The following EFNB3 variants were observed in gnomAD, a reference collection of about 807,000 sequenced individuals.
EFNB3 encodes ephrin B3, also known as ephrin-B3.
Under a neutral mutation model 29.8 loss-of-function variants are expected in EFNB3, and 14 were observed. The observed-to-expected ratio is 0.47, with a 90% CI of 0.31 to 0.73. EFNB3 has a LOEUF of 0.73. EFNB3 is among the 30% of genes least tolerant of loss of function. The pLI is 0.05. For synonymous variants in EFNB3, 216 were observed against 191.6 expected, an observed-to-expected ratio of 1.13 and a Z score of -1.05; for missense variants, 408 against 458.0, an observed-to-expected ratio of 0.89 and a Z score of 1.00.
In EFNB3 at chr17:7,709,128, T is replaced by A. The variant is rs1270863839; in HGVS notation, c.614-39T>A. On this transcript the variant is annotated intron_variant, in intron 4 of 4. Coordinates refer to ENST00000226091, the MANE Select transcript of EFNB3 (RefSeq NM_001406.4). The surrounding 1 kb of genome is among the most constrained non-coding windows in gnomAD (Gnocchi z 4.5). The stretch of plus-strand genomic sequence containing the variant: ...CCAGGTGCCCAGGTGGCTCCTTCAG[T>A]CCCTCCCCCTCTTTCCTCCTTCACC... 1 of 1,581,476 alleles carries A rather than the reference T, an allele frequency of 6.3e-7. No homozygotes were observed. The highest frequency in any genetic ancestry group is 1.4e-5 in the African/African-American group (1 of 73,586).
chr17:7,706,064 C>T (rs1219109199), intron 1 of EFNB3, among the ~76,000 whole-genome samples: 1 of 150,936 alleles, frequency 6.6e-6, no homozygotes, highest in African/African-American at 2.4e-5. Context: ...ACTGTCAGCT[C>T]TCAGGAGAGA....
In EFNB3 at chr17:7,708,104, G is replaced by C; in HGVS notation, c.269G>C (p.Arg90Pro). 1 of 1,614,062 alleles carries C rather than the reference G, an allele frequency of 6.2e-7. No individual in the cohort carries two copies. Among genetic ancestry groups the C allele is most frequent in the Non-Finnish European group, 8.5e-7 (1 of 1,180,006 alleles). The change falls in exon 2 of 5, where the codon CGG becomes CCG. Residue 90 changes from arginine (R) to proline (P), a missense_variant. This residue lies in a region of EFNB3 where 128 missense variants were observed against 140.8 expected (regional missense o/e 0.91). Coordinates refer to ENST00000226091, the MANE Select transcript of EFNB3 (RefSeq NM_001406.4). This position sits in a 1 kb window ranked among gnomAD's most constrained non-coding sequence, Gnocchi z 6.8. ...KLYLVGGAQG[R>P]RCEAPPAPNL... ...TACCTGGTAGGGGGTGCTCAGGGCC[G>C]GCGCTGTGAGGCACCCCCTGCCCCA...
At position 7,705,603 on chromosome 17, in the gene EFNB3, G is replaced by A. The variant is rs972550180; in HGVS notation, c.5G>A (p.Gly2Glu). The stretch of plus-strand genomic sequence containing the variant: ...CCCCCAGGCCTTGGCGGGGTCATGG[G>A]GCCCCCCCATTCTGGGCCGGGGGGC... M[G>E]PPHSGPGGVR... The change falls in exon 1 of 5, where the codon GGG becomes GAG. Residue 2 changes from glycine to glutamate, a missense_variant. By Grantham distance (98) the Gly-to-Glu change is moderately conservative. Around this residue, in one of 3 missense-constraint regions of EFNB3, gnomAD observed 128 missense variants for 140.8 expected, o/e 0.91. Transcript: ENST00000226091. This position sits in a 1 kb window ranked among gnomAD's most constrained non-coding sequence, Gnocchi z 5.4. The A allele has an allele frequency of 9.5e-6, 14 of 1,478,318 alleles. No homozygotes were observed. The African/African-American group carries it at 1.9e-4, about 20-fold the overall frequency. 91.6% of individuals were successfully genotyped at this position (1,478,318 alleles called of 1,614,324 possible). A position where few individuals can be genotyped will look rare whatever the true frequency, so the allele number is the denominator to read the frequency against.
Position 7,710,049 on chromosome 17 carries a change from T to G in EFNB3, c.*473T>G. 1 of 213,618 alleles carries G rather than the reference T, an allele frequency of 4.7e-6. No individual in the cohort carries two copies. The highest frequency in any genetic ancestry group is 9.3e-6 in the Non-Finnish European group (1 of 107,740). 13.2% of individuals were successfully genotyped at this position (213,618 alleles called of 1,614,324 possible). A position where few individuals can be genotyped will look rare whatever the true frequency, so the allele number is the denominator to read the frequency against. ...CTCCTCCCCACATCTCCTTTCACCC[T>G]CTTGGCTTCTTATCCTGTGCCTCTC... On this transcript the variant is annotated 3_prime_UTR_variant, in exon 5 of 5. Transcript: ENST00000226091.
rs757173020 is a variant in EFNB3 at position 7,708,171 on chromosome 17, C to T, written c.336C>T (p.Arg112=). ...GTGATCGCCCAGACCTGGATCTCCG[C>T]TTCACCATCAAGTTCCAGGAGTATA... ...LTCDRPDLDL[R]FTIKFQEYSP... The change falls in exon 2 of 5, where the codon CGC becomes CGT. Residue 112 remains arginine (R), a synonymous_variant. Transcript: ENST00000226091. This position sits in a 1 kb window ranked among gnomAD's most constrained non-coding sequence, Gnocchi z 6.8. 1 of 1,613,744 alleles carries T rather than the reference C, an allele frequency of 6.2e-7. No homozygotes were observed. Among genetic ancestry groups the T allele is most frequent in the Non-Finnish European group, 8.5e-7 (1 of 1,180,038 alleles).
chr17:7,709,258 G>A lies in EFNB3; in HGVS notation c.705G>A (p.Leu235=), dbSNP rs748865873. The change falls in exon 5 of 5, where the codon CTG becomes CTA. Residue 235 remains leucine, a synonymous_variant. Coordinates refer to ENST00000226091, the MANE Select transcript of EFNB3 (RefSeq NM_001406.4). The surrounding 1 kb of genome is among the most constrained non-coding windows in gnomAD (Gnocchi z 4.5). ...MPAVAGAAGG[L]ALLLLGVAGA... ...CAGTGGCTGGGGCAGCAGGGGGGCT[G>A]GCGCTGCTCTTGCTGGGCGTGGCAG... 8.8e-6 allele frequency: 14 copies of A among 1,588,420 alleles called. No homozygotes were observed. The highest frequency in any genetic ancestry group is 1.9e-5 in the Admixed American group (1 of 53,954).
At chr17:7,707,492 C>T (rs374502295) in intron 1 of EFNB3, among the ~76,000 whole-genome samples, 4 of 152,188 alleles carry the variant, frequency 2.6e-5, no homozygotes, top group East Asian at 3.9e-4. Context: ...GAACCGCCGC[C>T]CCCTTTGCCC....
chr17:7,708,802 C>T lies in EFNB3; in HGVS notation c.613+63C>T. The T allele has an allele frequency of 7.1e-7, 1 of 1,400,000 alleles. No individual in the cohort carries two copies. Among genetic ancestry groups the T allele is most frequent in the South Asian group, 1.4e-5 (1 of 70,892 alleles). 86.7% of individuals were successfully genotyped at this position (1,400,000 alleles called of 1,614,324 possible). A position where few individuals can be genotyped will look rare whatever the true frequency, so the allele number is the denominator to read the frequency against. On this transcript the variant is annotated intron_variant, in intron 4 of 4. Transcript: ENST00000226091. The surrounding 1 kb of genome is among the most constrained non-coding windows in gnomAD (Gnocchi z 6.8). ...TCCTCTGCTCTCAGACCCCAGCTGC[C>T]CTGCCGTCACCCTCCCTCCCTCTTC... is the stretch of plus-strand genomic sequence containing the variant.
rs2074338219 is a variant in EFNB3 at position 7,708,966 on chromosome 17, G to C, written c.614-201G>C. Among the ~76,000 whole-genome samples the C allele has an allele frequency of 6.6e-6, 1 of 152,190 alleles. No individual in the cohort carries two copies. The highest frequency in any genetic ancestry group is 1.5e-5 in the Non-Finnish European group (1 of 68,030). Reference sequence around the variant, plus strand: ...TTCAATCAGTGCTGTCAGAGAAGTGGGGAGGACTCCGTGGCAGGAAGCTGA... The same window carrying C: ...TTCAATCAGTGCTGTCAGAGAAGTGCGGAGGACTCCGTGGCAGGAAGCTGA... On this transcript the variant is annotated intron_variant, in intron 4 of 4. Coordinates refer to ENST00000226091, the MANE Select transcript of EFNB3 (RefSeq NM_001406.4). The surrounding 1 kb of genome is among the most constrained non-coding windows in gnomAD (Gnocchi z 6.8).
At position 7,709,897 on chromosome 17, in the gene EFNB3, T is replaced by G; in HGVS notation, c.*321T>G. On this transcript the variant is annotated 3_prime_UTR_variant, in exon 5 of 5. Coordinates refer to ENST00000226091, the MANE Select transcript of EFNB3 (RefSeq NM_001406.4). This position sits in a 1 kb window ranked among gnomAD's most constrained non-coding sequence, Gnocchi z 4.5. ...CTTGTCCCCCTCACCCACCCAGAGC[T>G]AGGGGCGGGAACAGCCCACCTTTTG... The G allele has an allele frequency of 2.2e-6, 1 of 457,854 alleles. No homozygotes were observed. The highest frequency in any genetic ancestry group is 3.9e-6 in the Non-Finnish European group (1 of 256,366). 28.4% of individuals were successfully genotyped at this position (457,854 alleles called of 1,614,324 possible). A position where few individuals can be genotyped will look rare whatever the true frequency, so the allele number is the denominator to read the frequency against.
chr17:7,708,060 T>C lies in EFNB3; in HGVS notation c.225T>C (p.Asn75=), dbSNP rs1225058051. Residue 75 remains asparagine (N), a synonymous_variant, in exon 2 of 5, where the codon AAT becomes AAC. Coordinates refer to ENST00000226091, the MANE Select transcript of EFNB3 (RefSeq NM_001406.4). This position sits in a 1 kb window ranked among gnomAD's most constrained non-coding sequence, Gnocchi z 6.8. ...CTCCTGGCCCTCACTCCTCTCCTAA[T>C]TATGAGTTCTACAAGCTGTACCTGG... The part of the protein sequence containing the change: ...ARPPGPHSSP[N]YEFYKLYLVG... 1 of 1,614,012 alleles carries C rather than the reference T, an allele frequency of 6.2e-7. No individual in the cohort carries two copies. The highest frequency in any genetic ancestry group is 8.5e-7 in the Non-Finnish European group (1 of 1,179,990).
rs1360008596 is a variant in EFNB3 at position 7,708,735 on chromosome 17, G to C, written c.609G>C (p.Leu203=). Residue 203 remains leucine (L), a synonymous_variant, in exon 4 of 5, where the codon CTG becomes CTC. Coordinates refer to ENST00000226091, the MANE Select transcript of EFNB3 (RefSeq NM_001406.4). The surrounding 1 kb of genome is among the most constrained non-coding windows in gnomAD (Gnocchi z 6.8). ...AHSLEPGKEN[L]PGDPTSNATS... ...GCCTGGAGCCTGGGAAGGAGAACCT[G>C]CCAGGTAGGAACCAGGGGCTAGGCC... The C allele has an allele frequency of 1.3e-5, 20 of 1,558,536 alleles. No individual in the cohort carries two copies. The highest frequency in any genetic ancestry group is 2.4e-5 in the East Asian group (1 of 41,572).
chr17:7,706,430 A>G (rs2074328032), intron 1 of EFNB3, among the ~76,000 whole-genome samples: 1 of 152,074 alleles, frequency 6.6e-6, no homozygotes, highest in Non-Finnish European at 1.5e-5. Context: ...AAACTCTTCC[A>G]TCAGACCCTC....
Position 7,705,480 on chromosome 17 carries a change from TG to T in EFNB3, c.-114del. On this transcript the variant is annotated 5_prime_UTR_variant, in exon 1 of 5. Coordinates refer to ENST00000226091, the MANE Select transcript of EFNB3 (RefSeq NM_001406.4). This position sits in a 1 kb window ranked among gnomAD's most constrained non-coding sequence, Gnocchi z 5.4. Reference sequence around the variant, plus strand: ...GCAGGAAGCAGGTCCGCGTGGGCGCTGGGGGCATCAGCTACCGGGGTGGTCC... The same window carrying T: ...GCAGGAAGCAGGTCCGCGTGGGCGCTGGGGCATCAGCTACCGGGGTGGTCC... 3.7e-6 allele frequency: 2 copies of T among 546,068 alleles called. No homozygotes were observed. The highest frequency in any genetic ancestry group is 3.1e-6 in the Non-Finnish European group (1 of 324,592). The allele number at this position is 546,068 out of a possible 1,614,324, so 33.8% of individuals were successfully genotyped here.
At position 7,708,538 on chromosome 17, in the gene EFNB3, C is replaced by T; in HGVS notation, c.508+11C>T. The T allele has an allele frequency of 6.2e-7, 1 of 1,612,264 alleles. No homozygotes were observed. The highest frequency in any genetic ancestry group is 8.5e-7 in the Non-Finnish European group (1 of 1,179,174). On this transcript the variant is annotated intron_variant, in intron 3 of 4. Coordinates refer to ENST00000226091, the MANE Select transcript of EFNB3 (RefSeq NM_001406.4). The surrounding 1 kb of genome is among the most constrained non-coding windows in gnomAD (Gnocchi z 6.8). ...TCCGAGTGGGACAAAGTGAGTGGGG[C>T]TGGGGGACACCTCCTGGGCACGAAG... is the stretch of plus-strand genomic sequence containing the variant.
In EFNB3 at chr17:7,708,553, T is replaced by A. The variant is rs566482253; in HGVS notation, c.508+26T>A. 1.1e-4 allele frequency: 179 copies of A among 1,609,710 alleles called. 3 individuals are homozygous for A. In the South Asian group the frequency reaches 2.0e-3, roughly 18 times the overall value. On this transcript the variant is annotated intron_variant, in intron 3 of 4. Coordinates refer to ENST00000226091, the MANE Select transcript of EFNB3 (RefSeq NM_001406.4). The surrounding 1 kb of genome is among the most constrained non-coding windows in gnomAD (Gnocchi z 6.8). ...GTGAGTGGGGCTGGGGGACACCTCC[T>A]GGGCACGAAGGGACGTTGGGGCAGT...
Position 7,708,378 on chromosome 17 carries a change from C to T in EFNB3, c.416-57C>T. 6.3e-7 allele frequency: 1 copy of T among 1,591,782 alleles called. No homozygotes were observed. Among genetic ancestry groups the T allele is most frequent in the African/African-American group, 1.3e-5 (1 of 74,652 alleles). ...CAGTGTTCACACCAGGGTGTGGGGC[C>T]AGAATCAGGGCTAGATTCTGGAGTG... is the stretch of plus-strand genomic sequence containing the variant. On this transcript the variant is annotated intron_variant, in intron 2 of 4. Transcript: ENST00000226091. This position sits in a 1 kb window ranked among gnomAD's most constrained non-coding sequence, Gnocchi z 6.8.
rs1050307927 is a variant in EFNB3 at position 7,709,972 on chromosome 17, C to T, written c.*396C>T. 3 of 324,054 alleles carry T rather than the reference C, an allele frequency of 9.3e-6. No individual in the cohort carries two copies. The highest frequency in any genetic ancestry group is 5.0e-5 in the Admixed American group (1 of 19,852). 20.1% of individuals were successfully genotyped at this position (324,054 alleles called of 1,614,324 possible). A position where few individuals can be genotyped will look rare whatever the true frequency, so the allele number is the denominator to read the frequency against. On this transcript the variant is annotated 3_prime_UTR_variant, in exon 5 of 5. Coordinates refer to ENST00000226091, the MANE Select transcript of EFNB3 (RefSeq NM_001406.4). The surrounding 1 kb of genome is among the most constrained non-coding windows in gnomAD (Gnocchi z 4.5). ...CTCACTGGTTTTCTCTTCTCTATCTCTTATTCTTTCCCTCTCTTCCGTCTC... is the reference window on the plus strand; with the variant it reads ...CTCACTGGTTTTCTCTTCTCTATCTTTTATTCTTTCCCTCTCTTCCGTCTC...
Position 7,705,786 on chromosome 17 carries a change from TG to T in EFNB3, c.122+68del. ...AGTGGGTAGGGAAGCTCTGGGGGCT[TG>T]GAGGCGGGCTTCTGTGGGCAGGGAG... On this transcript the variant is annotated intron_variant, in intron 1 of 4. Coordinates refer to ENST00000226091, the MANE Select transcript of EFNB3 (RefSeq NM_001406.4). The surrounding 1 kb of genome is among the most constrained non-coding windows in gnomAD (Gnocchi z 5.4). 1 of 1,502,924 alleles carries T rather than the reference TG, an allele frequency of 6.7e-7. No homozygotes were observed. The highest frequency in any genetic ancestry group is 8.8e-7 in the Non-Finnish European group (1 of 1,142,046). The allele number at this position is 1,502,924 out of a possible 1,614,324, so 93.1% of individuals were successfully genotyped here.
Sources: allele counts gnomAD v4.1 joint callset (sites outside exome capture counted in the v4.1 genomes callset), GRCh38; gene constraint gnomAD v4.1.1; regional missense constraint gnomAD v4.1.1; non-coding constraint Gnocchi (gnomAD v3.1); transcripts MANE v1.5; gene names NCBI Gene and HGNC (gene_info 2026-07-23, HGNC 2026-07-21).